The following TSHZ3 variants were observed in gnomAD, a reference collection of about 807,000 sequenced individuals.
TSHZ3 encodes the protein teashirt zinc finger homeobox 3.
Under a neutral mutation model 64.5 loss-of-function variants are expected in TSHZ3, and 10 were observed. That is an observed-to-expected ratio of 0.16 (90% CI 0.10 to 0.26). The LOEUF (loss-of-function observed/expected upper bound fraction) is 0.26. Among genes scored for constraint, TSHZ3 ranks in the 10% least tolerant of loss-of-function variants. The pLI is 1.00. For missense variants in TSHZ3, 1,242 were observed against 1,421.7 expected (o/e 0.87, Z 2.03); for synonymous variants, 608 against 593.1 (o/e 1.03, Z -0.36).
chr19:31,161,598 G>C (rs769099213), intron 5 of TSHZ3, among the ~76,000 whole-genome samples: 1 of 152,110 alleles, frequency 6.6e-6, no homozygotes, highest in Non-Finnish European at 1.5e-5. Flanking sequence ...TCTCTGAGTC[G>C]CATCTGCATT....
At chr19:31,315,825 C>T (rs1916585081) in intron 1 of TSHZ3, among the ~76,000 whole-genome samples, 1 of 152,234 alleles carries the variant, frequency 6.6e-6, no homozygotes. Context: ...TCCAATTATT[C>T]TCTGCTGCTT....
At chr19:31,242,942 T>C (rs1975714187) in intron 1 of TSHZ3, among the ~76,000 whole-genome samples, 1 of 152,154 alleles carries the variant, frequency 6.6e-6, no homozygotes, top group Admixed American at 6.5e-5. Flanking sequence ...CCCCAGCAGA[T>C]TGGATGGTGC....
At chr19:31,189,651 C>T (rs978931833) in intron 5 of TSHZ3, among the ~76,000 whole-genome samples, 15 of 151,370 alleles carry the variant, frequency 9.9e-5, no homozygotes, top group Non-Finnish European at 1.5e-4. Context: ...ATTTTAGTAC[C>T]ACTAGTTCTA....
Position 31,279,858 on chromosome 19 carries a change from C to A in TSHZ3, c.41-106G>T, listed in dbSNP as rs1976331495. The A allele has an allele frequency of 9.7e-7, 1 of 1,026,484 alleles. No individual in the cohort carries two copies. The highest frequency in any genetic ancestry group is 1.3e-6 in the Non-Finnish European group (1 of 757,882). 63.6% of individuals were successfully genotyped at this position (1,026,484 alleles called of 1,614,324 possible). ...AAGCATTAGTACTTGTTGATCTTAC[C>A]TAGAATATGTTCTGGGCTCTCAGGA... On this transcript the variant is annotated intron_variant, in intron 1 of 1. Transcript: ENST00000240587. The surrounding 1 kb of genome is among the most constrained non-coding windows in gnomAD (Gnocchi z 6.4).
At chr19:31,152,093 A>G (rs3760831) in intron 6 of TSHZ3, among the ~76,000 whole-genome samples, 7,875 of 152,148 alleles carry the variant, frequency 0.052, 421 homozygotes, top group African/African-American at 0.14. Flanking sequence ...TAAATTTCTC[A>G]CTAGACAGTT....
chr19:31,291,647 GAATA>G (rs199500837), intron 1 of TSHZ3, among the ~76,000 whole-genome samples: 2,025 of 152,280 alleles, frequency 0.013, 23 homozygotes, highest in Middle Eastern at 0.061. Flanking sequence ...AGATAACAAA[GAATA>G]AATAAATACT....
chr19:31,309,451 C>T lies in TSHZ3; in HGVS notation c.41-29699G>A, dbSNP rs1396040066. 3.9e-5 allele frequency among the ~76,000 whole-genome samples: 6 copies of T among 152,196 alleles called. No homozygotes were observed. The South Asian group carries it at 1.2e-3, about 32-fold the overall frequency. ...ACCCAAGCCAGGGCAAGTCAATCCC[C>T]GCATGGAATGGAGACATCAGCATTG... On this transcript the variant is annotated intron_variant, in intron 1 of 1. Transcript: ENST00000240587.
chr19:31,212,716 C>T (rs1437911634), intron 4 of TSHZ3, among the ~76,000 whole-genome samples: 16 of 152,100 alleles, frequency 1.1e-4, no homozygotes, highest in Non-Finnish European at 1.9e-4. Flanking sequence ...AACTGAACAT[C>T]CTCTTAGCAT....
chr19:31,349,192 G>C lies in TSHZ3; in HGVS notation c.28C>G (p.Arg10Gly), dbSNP rs1274006594. The C allele has an allele frequency of 6.5e-7, 1 of 1,542,356 alleles. No individual in the cohort carries two copies. Among genetic ancestry groups the C allele is most frequent in the Non-Finnish European group, 8.7e-7 (1 of 1,144,604 alleles). The change falls in exon 1 of 2, where the codon CGG becomes GGG. Residue 10 changes from arginine to glycine, a missense_variant. Arg to Gly is a moderately radical substitution (Grantham distance 125, BLOSUM62 -2). Transcript: ENST00000240587. MPRRKQQAP[R>G]RAAAYVSEEL... ...AAGCGGCTCGTACCTGCTGCGCGCC[G>C]GGGCGCCTGCTGCTTCCTCCTCGGC... is the stretch of plus-strand genomic sequence containing the variant.
intron 1 of TSHZ3, chr19:31,308,482 G>A (rs1006012827): frequency 1.0e-5 from 4 of 384,128 alleles, no homozygotes; most frequent in African/African-American, 8.3e-5. Context: ...GGGACACAAG[G>A]GTCCAATTGT....
At chr19:31,342,729 C>T (rs953280673) in intron 1 of TSHZ3, among the ~76,000 whole-genome samples, 7 of 152,226 alleles carry the variant, frequency 4.6e-5, no homozygotes, top group Admixed American at 4.6e-4. Flanking sequence ...GCCCTTTGCT[C>T]TCCATTAAGG....
chr19:31,280,891 G>A (rs920913258), intron 1 of TSHZ3, among the ~76,000 whole-genome samples: 2 of 152,190 alleles, frequency 1.3e-5, no homozygotes, highest in African/African-American at 4.8e-5. Context: ...CTTGCATTCG[G>A]TGACTTGGGT....
intron 4 of TSHZ3, among the ~76,000 whole-genome samples, chr19:31,215,143 A>G (rs1319844116): frequency 6.6e-6 from 1 of 152,138 alleles, no homozygotes; most frequent in Non-Finnish European, 1.5e-5. Context: ...CACATTCAGA[A>G]TTGTGGCGCT....
At chr19:31,287,152 T>C (rs536388107) in intron 1 of TSHZ3, among the ~76,000 whole-genome samples, 6 of 152,068 alleles carry the variant, frequency 3.9e-5, no homozygotes, top group Non-Finnish European at 7.4e-5. Flanking sequence ...AAGTCGTGGG[T>C]GGGAGGGGGC....
intron 1 of TSHZ3, among the ~76,000 whole-genome samples, chr19:31,314,360 G>A (rs1048249562): frequency 6.6e-5 from 10 of 152,198 alleles, no homozygotes; most frequent in African/African-American, 2.4e-4. Flanking sequence ...CTGCAATCCT[G>A]AGAAGCCACA....
chr19:31,348,834 A>C, intron 1 of TSHZ3: 22 of 252,042 alleles, frequency 8.7e-5, no homozygotes, highest in Non-Finnish European at 1.2e-4. Context: ...GTCCCGGGGA[A>C]CTCAGGTGAC....
At chr19:31,177,083 G>A (rs1974620579) in intron 5 of TSHZ3, among the ~76,000 whole-genome samples, 1 of 152,146 alleles carries the variant, frequency 6.6e-6, no homozygotes, top group African/African-American at 2.4e-5. Flanking sequence ...GTTGCTGTGA[G>A]CAAAAAGAGA....
chr19:31,259,706 A>C (rs756017658), intron 1 of TSHZ3, among the ~76,000 whole-genome samples: 1 of 152,106 alleles, frequency 6.6e-6, no homozygotes, highest in Non-Finnish European at 1.5e-5. Context: ...CATTCTTCCA[A>C]CTCAAGATGC....
chr19:31,196,743 T>C (rs1974999649), intron 5 of TSHZ3, among the ~76,000 whole-genome samples: 1 of 151,102 alleles, frequency 6.6e-6, no homozygotes, highest in Non-Finnish European at 1.5e-5. Flanking sequence ...GATGAAGGAG[T>C]CAATTCTCCA....
Sources: gnomAD v4.1 joint callset for allele counts (sites outside exome capture counted in the v4.1 genomes callset) on GRCh38, gnomAD v4.1.1 for gene constraint, Gnocchi (gnomAD v3.1) non-coding constraint, MANE v1.5 for transcripts, NCBI Gene and HGNC (gene_info 2026-07-23, HGNC 2026-07-21) for gene names.